The following UBE2H variants were observed in gnomAD, a reference collection of about 807,000 sequenced individuals.
UBE2H encodes ubiquitin-conjugating enzyme E2 H.
In UBE2H, 3 loss-of-function variants were observed where a neutral mutation model predicts 29.0. That is an observed-to-expected ratio of 0.10 (90% confidence interval 0.05 to 0.27). UBE2H has a LOEUF of 0.27. Among genes scored for constraint, UBE2H ranks in the 10% least tolerant of loss-of-function variants. The pLI is 1.00. For missense variants in UBE2H, 68 were observed against 228.2 expected, an observed-to-expected ratio of 0.30 and a Z score of 4.52; for synonymous variants, 69 against 82.9, an observed-to-expected ratio of 0.83 and a Z score of 0.91.
intron 1 of UBE2H, among the ~76,000 whole-genome samples, chr7:129,888,365 T>C (rs940015209): frequency 2.0e-5 from 3 of 152,204 alleles, no homozygotes; most frequent in African/African-American, 7.2e-5. Flanking sequence ...TGTATAAAGA[T>C]TTAGGGACCA....
At chr7:129,930,613 A>T (rs1807369797) in intron 1 of UBE2H, among the ~76,000 whole-genome samples, 3 of 151,732 alleles carry the variant, frequency 2.0e-5, no homozygotes, top group South Asian at 4.2e-4. Flanking sequence ...TACTAAAAAT[A>T]AAAAAAAATT....
At chr7:129,924,387 C>T (rs533050250) in intron 1 of UBE2H, among the ~76,000 whole-genome samples, 10 of 152,138 alleles carry the variant, frequency 6.6e-5, no homozygotes, top group Non-Finnish European at 1.3e-4. Flanking sequence ...TTTAAAATTC[C>T]AAATGAAGGT....
chr7:129,908,353 T>A (rs1806861323), intron 1 of UBE2H, among the ~76,000 whole-genome samples: 1 of 152,192 alleles, frequency 6.6e-6, no homozygotes, highest in Non-Finnish European at 1.5e-5. Flanking sequence ...ATGATGACAA[T>A]GCACAAAAAA....
chr7:129,874,382 T>C (rs1252193403), intron 3 of UBE2H, among the ~76,000 whole-genome samples: 1 of 151,604 alleles, frequency 6.6e-6, no homozygotes, highest in Non-Finnish European at 1.5e-5. Flanking sequence ...CGATCTTGGC[T>C]CCCTGCAGGC....
intron 1 of UBE2H, among the ~76,000 whole-genome samples, chr7:129,931,836 C>CTTTTTT (rs372552075): frequency 7.6e-6 from 1 of 131,308 alleles, no homozygotes; most frequent in Non-Finnish European, 1.6e-5. Context: ...TTCTACTTTG[C>CTTTTTT]TTTTTTTTTT....
rs1369819742 is a variant in UBE2H at position 129,913,634 on chromosome 7, C to T, written c.54-32663G>A. On this transcript the variant is annotated intron_variant, in intron 1 of 6. Transcript: ENST00000355621. ...CCATTTTACAGATGAGGAAACTGAG[C>T]CTCAGAAGGGTAAAGAGCCTTTAAC... Among the ~76,000 whole-genome samples, 11 of 152,278 alleles carry T rather than the reference C, an allele frequency of 7.2e-5. No individual in the cohort carries two copies. In the South Asian group the frequency reaches 1.9e-3, roughly 26 times the overall value.
At chr7:129,944,520 C>T (rs990739214) in intron 1 of UBE2H, among the ~76,000 whole-genome samples, 9 of 152,120 alleles carry the variant, frequency 5.9e-5, no homozygotes, top group Non-Finnish European at 1.0e-4. Context: ...CTTTGGGAGG[C>T]CAAGGCCAGA....
chr7:129,868,682 GC>G (rs1206678560), intron 3 of UBE2H, among the ~76,000 whole-genome samples: 4 of 151,722 alleles, frequency 2.6e-5, no homozygotes, highest in Non-Finnish European at 4.4e-5. Flanking sequence ...AGAGGTGGCA[GC>G]CTGGGGAATG....
intron 1 of UBE2H, among the ~76,000 whole-genome samples, chr7:129,935,414 G>GAAA (rs77698999): frequency 3.7e-5 from 3 of 81,998 alleles, no homozygotes; most frequent in East Asian, 2.8e-4. Flanking sequence ...CTGTCTCAAA[G>GAAA]AAAAAAAAAA....
At chr7:129,921,837 C>G (rs1807170090) in intron 1 of UBE2H, among the ~76,000 whole-genome samples, 1 of 151,874 alleles carries the variant, frequency 6.6e-6, no homozygotes, top group Non-Finnish European at 1.5e-5. Flanking sequence ...TGTAAAAATA[C>G]AGGCTTTCTT....
At chr7:129,932,927 G>A (rs1466759606) in intron 1 of UBE2H, among the ~76,000 whole-genome samples, 1 of 152,004 alleles carries the variant, frequency 6.6e-6, no homozygotes, top group African/African-American at 2.4e-5. Flanking sequence ...GATCCCTAGG[G>A]GGCTCCAGAC....
chr7:129,887,116 T>C (rs1272716489), intron 1 of UBE2H, among the ~76,000 whole-genome samples: 3 of 152,098 alleles, frequency 2.0e-5, no homozygotes, highest in Admixed American at 6.6e-5. Flanking sequence ...CCTAATAACA[T>C]AGTTATCATC....
intron 1 of UBE2H, among the ~76,000 whole-genome samples, chr7:129,933,731 T>G (rs1031135405): frequency 6.6e-6 from 1 of 152,226 alleles, no homozygotes; most frequent in Non-Finnish European, 1.5e-5. Context: ...GGTGCCAAAG[T>G]TTAGTCTAAA....
At chr7:129,889,908 T>G (rs1806438643) in intron 1 of UBE2H, among the ~76,000 whole-genome samples, 1 of 152,094 alleles carries the variant, frequency 6.6e-6, no homozygotes, top group Admixed American at 6.6e-5. Flanking sequence ...GAGGATCACA[T>G]GAGCCCAGGA....
chr7:129,874,522 G>A (rs1299618608), intron 3 of UBE2H, among the ~76,000 whole-genome samples: 1 of 152,094 alleles, frequency 6.6e-6, no homozygotes, highest in Admixed American at 6.5e-5. Flanking sequence ...TGTTAGCCAG[G>A]ATGGTCTCAA....
chr7:129,927,669 T>C (rs1807298450), intron 1 of UBE2H, among the ~76,000 whole-genome samples: 1 of 152,202 alleles, frequency 6.6e-6, no homozygotes, highest in South Asian at 2.1e-4. Flanking sequence ...CCCAGCATCA[T>C]GGATGAGTTT....
intron 3 of UBE2H, among the ~76,000 whole-genome samples, chr7:129,868,919 G>A (rs543999948): frequency 6.9e-5 from 10 of 144,046 alleles, no homozygotes; most frequent in Admixed American, 1.5e-4. Context: ...CCTGACACCC[G>A]GGTCTCTCTC....
At chr7:129,952,247 G>A (rs1189690174) in intron 1 of UBE2H, among the ~76,000 whole-genome samples, 1 of 152,194 alleles carries the variant, frequency 6.6e-6, no homozygotes, top group Non-Finnish European at 1.5e-5. Flanking sequence ...ACGTCGCGGA[G>A]GAAAGTCACA....
At chr7:129,894,483 CTTTTTTT>C (rs78614188) in intron 1 of UBE2H, among the ~76,000 whole-genome samples, 1 of 99,130 alleles carries the variant, frequency 1.0e-5, no homozygotes, top group Non-Finnish European at 2.0e-5. Context: ...CTAATCCCAT[CTTTTTTT>C]TTTTTTTTTT....
Sources: gnomAD v4.1 joint callset for allele counts (sites outside exome capture counted in the v4.1 genomes callset) on GRCh38, gnomAD v4.1.1 for gene constraint, MANE v1.5 for transcripts, NCBI Gene and HGNC (gene_info 2026-07-23, HGNC 2026-07-21) for gene names.